Variants in PTPN4 observed in about 807,000 individuals in gnomAD.
PTPN4 encodes the protein tyrosine-protein phosphatase non-receptor type 4.
PTPN4 carries 49 observed loss-of-function variants against 135.5 expected under a neutral mutation model. That is an observed-to-expected ratio of 0.36 (90% confidence interval 0.29 to 0.46). PTPN4 has a LOEUF of 0.46. PTPN4 is among the 20% of genes least tolerant of loss of function. PTPN4 has a pLI of 1.00. For missense variants in PTPN4, 860 were observed against 1,101.0 expected (o/e 0.78, Z 3.10); for synonymous variants, 333 against 369.9 (o/e 0.90, Z 1.14).
At chr2:119,841,180 A>T (rs75909269) in intron 2 of PTPN4, among the ~76,000 whole-genome samples, 3,534 of 152,180 alleles carry the variant, frequency 0.023, 127 homozygotes, top group African/African-American at 0.077. Context: ...TCATAATTTT[A>T]AAAATTATTT....
chr2:119,818,892 G>T (rs1417855370), intron 2 of PTPN4, among the ~76,000 whole-genome samples: 2 of 152,118 alleles, frequency 1.3e-5, no homozygotes, highest in African/African-American at 4.8e-5. Context: ...TCTCCTCCGA[G>T]CCTGGACCAC....
chr2:119,770,731 A>T (rs1326582630), intron 1 of PTPN4, among the ~76,000 whole-genome samples: 1 of 138,200 alleles, frequency 7.2e-6, no homozygotes, highest in Non-Finnish European at 1.6e-5. Context: ...CTATTAAGCT[A>T]ACTAATTCTA....
chr2:119,781,486 T>G (rs1044263622), intron 1 of PTPN4, among the ~76,000 whole-genome samples: 5 of 152,134 alleles, frequency 3.3e-5, no homozygotes, highest in Non-Finnish European at 7.3e-5. Context: ...CAAAATAGTT[T>G]CAGAATGTTG....
chr2:119,832,841 C>T (rs191348889), intron 2 of PTPN4, among the ~76,000 whole-genome samples: 10 of 152,160 alleles, frequency 6.6e-5, no homozygotes, highest in South Asian at 4.1e-4. Context: ...CATTCTTTTA[C>T]GCACATTCCC....
chr2:119,970,830 G>A (rs1018790753), intron 26 of PTPN4, among the ~76,000 whole-genome samples: 1 of 152,188 alleles, frequency 6.6e-6, no homozygotes, highest in Non-Finnish European at 1.5e-5. Flanking sequence ...GAATTGCCAG[G>A]TCATGTTTTC....
chr2:119,927,719 A>C (rs1313024297), intron 13 of PTPN4, among the ~76,000 whole-genome samples: 3 of 152,202 alleles, frequency 2.0e-5, no homozygotes, highest in Non-Finnish European at 4.4e-5. Flanking sequence ...TGAGAGGCTA[A>C]GTCTTTTAAT....
At chr2:119,975,991 A>ATTTTTTTTTTTTTTTTTTTTTTT (rs1253786677) in intron 26 of PTPN4, among the ~76,000 whole-genome samples, 1 of 108,928 alleles carries the variant, frequency 9.2e-6, no homozygotes, top group African/African-American at 3.5e-5. Context: ...ATTTTTATTT[A>ATTTTTTTTTTTTTTTTTTTTTTT]TTTATTTATT....
chr2:119,761,920 T>G (rs143949276), intron 1 of PTPN4, among the ~76,000 whole-genome samples: 1 of 152,314 alleles, frequency 6.6e-6, no homozygotes, highest in East Asian at 1.9e-4. Flanking sequence ...GTGATTTTTC[T>G]TACTGCCCAT....
intron 10 of PTPN4, among the ~76,000 whole-genome samples, chr2:119,902,420 A>G (rs1678419124): frequency 6.6e-6 from 1 of 152,234 alleles, no homozygotes; most frequent in Admixed American, 6.5e-5. Flanking sequence ...CTTGTGAGAA[A>G]TGTTAAAAGA....
intron 2 of PTPN4, among the ~76,000 whole-genome samples, chr2:119,833,602 T>A (rs1383502038): frequency 6.6e-6 from 1 of 152,238 alleles, no homozygotes; most frequent in Non-Finnish European, 1.5e-5. Context: ...GGTCATCAGG[T>A]AAGTGTTAAC....
At chr2:119,914,583 G>A (rs907090504) in intron 10 of PTPN4, among the ~76,000 whole-genome samples, 10 of 152,032 alleles carry the variant, frequency 6.6e-5, no homozygotes, top group African/African-American at 2.2e-4. Flanking sequence ...ACAGGATCCT[G>A]AAGGACATTT....
rs928922341 is a variant in PTPN4, at chr2:119,980,257, G to T, written c.*3187G>T. ...TGTACACACACATAGAGCTACTTTTGTGTGTTTATTTATATGTATATTTCA... is the reference window on the plus strand; with the variant it reads ...TGTACACACACATAGAGCTACTTTTTTGTGTTTATTTATATGTATATTTCA... On this transcript the variant is annotated 3_prime_UTR_variant, in exon 27 of 27. Coordinates refer to ENST00000263708, the MANE Select transcript of PTPN4 (RefSeq NM_002830.4). 1 of 152,050 alleles carries T rather than the reference G, an allele frequency of 6.6e-6. No individual in the cohort carries two copies. The highest frequency in any genetic ancestry group is 1.5e-5 in the Non-Finnish European group (1 of 67,934). 9.4% of individuals were successfully genotyped at this position (152,050 alleles called of 1,614,324 possible).
In PTPN4 at chr2:119,882,148, G is replaced by C; in HGVS notation, c.465G>C (p.Gln155His). The change falls in exon 7 of 27, where the codon CAG (glutamine) becomes CAC (histidine). Residue 155 changes from glutamine to histidine, a missense_variant and splice_region_variant. Transcript: ENST00000263708. Reference protein sequence around the residue: ...TAALLASFAVQSELGDYDQSE... With the variant: ...TAALLASFAVHSELGDYDQSE... ...CCCTTTTAGCTTCATTTGCTGTTCA[G>C]TGTAAGTATCAGCCCATTTTTAGGT... is the stretch of plus-strand genomic sequence containing the variant. The C allele has an allele frequency of 6.2e-7, 1 of 1,606,776 alleles. No homozygotes were observed. Among genetic ancestry groups the C allele is most frequent in the Non-Finnish European group, 8.5e-7 (1 of 1,173,608 alleles).
intron 1 of PTPN4, among the ~76,000 whole-genome samples, chr2:119,770,924 G>T (rs1215273942): frequency 6.7e-6 from 1 of 149,242 alleles, no homozygotes; most frequent in African/African-American, 2.5e-5. Context: ...CTGTCGCTCA[G>T]GCTGGAGTGC....
intron 9 of PTPN4, among the ~76,000 whole-genome samples, chr2:119,900,412 C>G (rs72838973): frequency 0.024 from 3,664 of 152,128 alleles, 65 homozygotes; most frequent in Non-Finnish European, 0.033. Context: ...AGGAAAAGGT[C>G]TCTGATTTCT....
intron 2 of PTPN4, among the ~76,000 whole-genome samples, chr2:119,855,105 C>T (rs1677657246): frequency 6.6e-6 from 1 of 152,032 alleles, no homozygotes; most frequent in South Asian, 2.1e-4. Context: ...GCCCATAAAC[C>T]AGAATAGACC....
At chr2:119,790,866 G>A (rs944657920) in intron 1 of PTPN4, among the ~76,000 whole-genome samples, 1 of 151,772 alleles carries the variant, frequency 6.6e-6, no homozygotes, top group African/African-American at 2.4e-5. Flanking sequence ...CTTTGTGATT[G>A]CCCAGGGTAT....
At chr2:119,769,743 A>G (rs1480049227) in intron 1 of PTPN4, among the ~76,000 whole-genome samples, 1 of 152,204 alleles carries the variant, frequency 6.6e-6, no homozygotes, top group Non-Finnish European at 1.5e-5. Context: ...GGAAACTGTA[A>G]TGGTTATTTT....
intron 1 of PTPN4, among the ~76,000 whole-genome samples, chr2:119,771,212 A>AGCCCAGCCATCAACT (rs2104920633): frequency 1.3e-5 from 2 of 152,324 alleles, no homozygotes; most frequent in African/African-American, 4.8e-5. Context: ...TTTCCATCCC[A>AGCCCAGCCATCAACT]GCCCAGCCAT....
Sources: allele counts gnomAD v4.1 joint callset (sites outside exome capture counted in the v4.1 genomes callset), GRCh38; gene constraint gnomAD v4.1.1; transcripts MANE v1.5; gene names NCBI Gene and HGNC (gene_info 2026-07-23, HGNC 2026-07-21).